Variants in ARFGEF1 observed in about 807,000 individuals in gnomAD.
ARFGEF1 encodes brefeldin A-inhibited guanine nucleotide-exchange protein 1.
A neutral mutation model predicts 231.0 loss-of-function variants in ARFGEF1; 42 were observed. The ratio of observed to expected loss-of-function variants is 0.18; its 90% CI spans 0.14 to 0.24. The LOEUF (loss-of-function observed/expected upper bound fraction) is 0.24, where lower values mean the gene tolerates loss of function less well. Among genes scored for constraint, ARFGEF1 ranks in the 10% least tolerant of loss-of-function variants. The pLI is 1.00. For synonymous variants in ARFGEF1, 710 were observed against 732.3 expected (o/e 0.97, Z 0.49); for missense variants, 1,345 against 2,192.0 (o/e 0.61, Z 7.72).
At chr8:67,337,596 A>G (rs939158455) in intron 1 of ARFGEF1, among the ~76,000 whole-genome samples, 4 of 148,732 alleles carry the variant, frequency 2.7e-5, no homozygotes, top group Non-Finnish European at 5.9e-5. Flanking sequence ...TCCCAGCCAC[A>G]CAAGCCTCCT....
rs905474246 is a variant in ARFGEF1, at chr8:67,292,053, C to T, written c.710G>A (p.Ser237Asn). The change falls in exon 6 of 39, where the codon AGC becomes AAC. Residue 237 changes from serine (S) to asparagine (N), a missense_variant. Ser to Asn is a conservative substitution (Grantham distance 46). Transcript: ENST00000262215. ...QHHHLLQSPV[S>N]HHEPESPQLR... is the part of the protein sequence containing the mutation. ...TTGAGGTGATTCAGGCTCGTGATGG[C>T]TTACTGGAGACTGTAACAGATGATG... 6.2e-7 allele frequency: 1 copy of T among 1,613,790 alleles called. No individual in the cohort carries two copies. Among genetic ancestry groups the T allele is most frequent in the African/African-American group, 1.3e-5 (1 of 74,878 alleles).
intron 29 of ARFGEF1, among the ~76,000 whole-genome samples, chr8:67,222,164 C>CATATATATATATACACAT (rs1839189478): frequency 1.3e-4 from 15 of 119,154 alleles, no homozygotes; most frequent in African/African-American, 4.9e-4. Context: ...CTTTTCCATG[C>CATATATATATATACACAT]ATATATATAT....
At chr8:67,192,247 G>C (rs1836541617) in intron 5 of ARFGEF1, among the ~76,000 whole-genome samples, 1 of 151,900 alleles carries the variant, frequency 6.6e-6, no homozygotes, top group South Asian at 2.1e-4. Context: ...GCTAAGTTTT[G>C]TATTTTTAGT....
chr8:67,215,969 A>G (rs1327663190), intron 33 of ARFGEF1, among the ~76,000 whole-genome samples: 1 of 152,246 alleles, frequency 6.6e-6, no homozygotes, highest in Non-Finnish European at 1.5e-5. Flanking sequence ...GCATGGAGAC[A>G]GCTACGTAAT....
At chr8:67,224,240 G>A (rs1011101557) in intron 29 of ARFGEF1, among the ~76,000 whole-genome samples, 1 of 152,082 alleles carries the variant, frequency 6.6e-6, no homozygotes, top group African/African-American at 2.4e-5. Context: ...GGGTTTAGAG[G>A]TTGACAGATA....
intron 1 of ARFGEF1, among the ~76,000 whole-genome samples, chr8:67,315,331 TTACAACAA>T (rs1446035301): frequency 6.6e-6 from 1 of 152,104 alleles, no homozygotes; most frequent in Non-Finnish European, 1.5e-5. Context: ...AACATCCCTC[TTACAACAA>T]TACAACTACT....
chr8:67,300,792 C>T (rs901409191), intron 3 of ARFGEF1, among the ~76,000 whole-genome samples: 1 of 150,708 alleles, frequency 6.6e-6, no homozygotes, highest in Non-Finnish European at 1.5e-5. Flanking sequence ...CACAGTGAGC[C>T]AAGATTACGC....
intron 1 of ARFGEF1, among the ~76,000 whole-genome samples, chr8:67,304,363 A>G (rs2128917463): frequency 6.6e-6 from 1 of 152,314 alleles, no homozygotes; most frequent in South Asian, 2.1e-4. Context: ...ACCCCTTTCC[A>G]TTTTATTACT....
intron 15 of ARFGEF1, among the ~76,000 whole-genome samples, chr8:67,258,818 T>TACACACACACAC (rs10576509): frequency 0.021 from 2,962 of 142,990 alleles, 50 homozygotes; most frequent in African/African-American, 0.046. Context: ...AAGCAGATTT[T>TACACACACACAC]ACACACACAC....
At chr8:67,216,166 C>T (rs549278926) in intron 33 of ARFGEF1, among the ~76,000 whole-genome samples, 6 of 152,248 alleles carry the variant, frequency 3.9e-5, no homozygotes, top group African/African-American at 7.2e-5. Context: ...AAGAGTCAAA[C>T]GCATTGCAAT....
intron 1 of ARFGEF1, among the ~76,000 whole-genome samples, chr8:67,320,442 T>C (rs968098366): frequency 1.3e-5 from 2 of 152,088 alleles, no homozygotes; most frequent in Admixed American, 1.3e-4. Context: ...AGAAAACAGT[T>C]TGTAAGTTTC....
In ARFGEF1 at chr8:67,302,779, A is replaced by T. The variant is rs532414449; in HGVS notation, c.125-313T>A. ...ACTAGTTACATTAAGCAGAAGCATT[A>T]ATATTAAGAACAGGGCCAAGTTCAG... On this transcript the variant is annotated intron_variant, in intron 1 of 38. Coordinates refer to ENST00000262215, the MANE Select transcript of ARFGEF1 (RefSeq NM_006421.5). 1.7e-4 allele frequency among the ~76,000 whole-genome samples: 26 copies of T among 152,188 alleles called. No individual in the cohort carries two copies. In the Middle Eastern group the frequency reaches 0.01, roughly 60 times the overall value.
chr8:67,271,605 T>C, intron 10 of ARFGEF1, 97 bp downstream of exon 10: 2 of 893,244 alleles, frequency 2.2e-6, no homozygotes, highest in Non-Finnish European at 3.4e-6. Context: ...ACAAATATTA[T>C]TTCATTCTGG....
At chr8:67,340,182 A>G (rs1391756808) in intron 1 of ARFGEF1, among the ~76,000 whole-genome samples, 5 of 152,214 alleles carry the variant, frequency 3.3e-5, no homozygotes. Context: ...TCAAACAAAA[A>G]AGGATTAAAT....
intron 1 of ARFGEF1, among the ~76,000 whole-genome samples, chr8:67,310,330 C>A (rs1288717223): frequency 2.0e-5 from 3 of 152,206 alleles, no homozygotes; most frequent in African/African-American, 7.2e-5. Flanking sequence ...AGCCCTTAAC[C>A]GCGAGTGATC....
chr8:67,332,621 T>C (rs76656481), intron 1 of ARFGEF1, among the ~76,000 whole-genome samples: 37 of 152,382 alleles, frequency 2.4e-4, no homozygotes, highest in African/African-American at 8.7e-4. Context: ...AATATTTTCC[T>C]GTATTGCTGT....
chr8:67,311,278 G>A (rs1489805537), intron 1 of ARFGEF1, among the ~76,000 whole-genome samples: 1 of 137,232 alleles, frequency 7.3e-6, no homozygotes, highest in Non-Finnish European at 1.6e-5. Context: ...CCCCGTCCGG[G>A]AGGGAGGTGG....
chr8:67,207,189 T>A (rs545420030), intron 34 of ARFGEF1: 1 of 152,326 alleles, frequency 6.6e-6, no homozygotes, highest in Admixed American at 6.5e-5. Flanking sequence ...ATTCACTCCC[T>A]CATTCAAGTC....
chr8:67,256,162 C>A (rs1840446773), intron 17 of ARFGEF1, among the ~76,000 whole-genome samples: 1 of 152,148 alleles, frequency 6.6e-6, no homozygotes, highest in Admixed American at 6.5e-5. Flanking sequence ...CAAATCCCAA[C>A]TGTGAACTAC....
Sources: gnomAD v4.1 joint callset for allele counts (sites outside exome capture counted in the v4.1 genomes callset) on GRCh38, gnomAD v4.1.1 for gene constraint, MANE v1.5 for transcripts, NCBI Gene and HGNC (gene_info 2026-07-23, HGNC 2026-07-21) for gene names.